Variants in MGAT4C observed in about 807,000 individuals in gnomAD.
The protein encoded by MGAT4C is MGAT4 family member C.
A neutral mutation model predicts 40.1 loss-of-function variants in MGAT4C; 19 were observed. That is an observed-to-expected ratio of 0.47 (90% CI 0.33 to 0.70). MGAT4C has a LOEUF of 0.70. Among genes scored for constraint, MGAT4C ranks in the 30% least tolerant of loss-of-function variants. The pLI, the probability that MGAT4C is intolerant of heterozygous loss-of-function variation, is 0.02. For synonymous variants in MGAT4C, 181 were observed against 187.1 expected (o/e 0.97, Z 0.27); for missense variants, 491 against 563.2 (o/e 0.87, Z 1.30).
intron 3 of MGAT4C, among the ~76,000 whole-genome samples, chr12:86,401,846 A>T (rs1956370010): frequency 6.6e-6 from 1 of 152,136 alleles, no homozygotes; most frequent in African/African-American, 2.4e-5. Context: ...AAAATAGTTA[A>T]CAGTCAAAAA....
chr12:86,822,978 T>C (rs543394761), intron 1 of MGAT4C, among the ~76,000 whole-genome samples: 1 of 150,936 alleles, frequency 6.6e-6, no homozygotes, highest in African/African-American at 2.4e-5. Flanking sequence ...CACAATAGAA[T>C]TTTAGAAAGA....
chr12:86,322,022 A>T (rs1208652536), intron 4 of MGAT4C, among the ~76,000 whole-genome samples: 21 of 152,096 alleles, frequency 1.4e-4, no homozygotes, highest in Non-Finnish European at 2.5e-4. Context: ...GCACATATAC[A>T]CCATGGAATA....
intron 2 of MGAT4C, among the ~76,000 whole-genome samples, chr12:86,443,225 T>C (rs965877249): frequency 1.3e-5 from 2 of 151,616 alleles, no homozygotes; most frequent in African/African-American, 4.9e-5. Flanking sequence ...CACACACATA[T>C]ATACACATGT....
intron 2 of MGAT4C, among the ~76,000 whole-genome samples, chr12:86,695,777 G>A (rs575959641): frequency 3.9e-5 from 6 of 152,104 alleles, no homozygotes; most frequent in Admixed American, 3.9e-4. Flanking sequence ...AGGCTAGGAA[G>A]GGTAGTTAGG....
At chr12:86,046,147 T>C (rs1040451685) in intron 2 of MGAT4C, among the ~76,000 whole-genome samples, 51 of 152,208 alleles carry the variant, frequency 3.4e-4, no homozygotes, top group African/African-American at 1.2e-3. Context: ...CATAAGATGT[T>C]GTGGAAGACT....
chr12:86,602,674 C>A (rs1370161302), intron 2 of MGAT4C, among the ~76,000 whole-genome samples: 2 of 152,116 alleles, frequency 1.3e-5, no homozygotes, highest in Admixed American at 6.6e-5. Context: ...GTTTTCTGAA[C>A]CTCTGATTCG....
chr12:86,518,043 C>A (rs1476570140), intron 2 of MGAT4C, among the ~76,000 whole-genome samples: 1 of 152,148 alleles, frequency 6.6e-6, no homozygotes, highest in East Asian at 1.9e-4. Flanking sequence ...AAGAAGAAAA[C>A]ATGCAAGCTT....
chr12:86,085,839 G>C (rs1054660150), intron 1 of MGAT4C, among the ~76,000 whole-genome samples: 64 of 152,068 alleles, frequency 4.2e-4, no homozygotes, highest in Admixed American at 3.1e-3. Flanking sequence ...ACCACAATGA[G>C]ATACCATTTC....
chr12:86,541,577 T>C (rs181961564), intron 2 of MGAT4C, among the ~76,000 whole-genome samples: 1 of 152,326 alleles, frequency 6.6e-6, no homozygotes, highest in Admixed American at 6.5e-5. Context: ...ATTAATCAAT[T>C]GCTTGACAAG....
rs1344652018 is a variant in MGAT4C, at chr12:85,965,729, G to A, written c.*13560C>T. On this transcript the variant is annotated 3_prime_UTR_variant, in exon 5 of 5. Transcript: ENST00000611864. The stretch of plus-strand genomic sequence containing the variant: ...TGAATTTGAAACAGAACTTTTCCTA[G>A]CTTCTAAATGATTAGAAATTTCAGC... 3 of 151,836 alleles carry A rather than the reference G, an allele frequency of 2.0e-5. No individual in the cohort carries two copies. The highest frequency in any genetic ancestry group is 7.3e-5 in the African/African-American group (3 of 41,332). 9.4% of individuals were successfully genotyped at this position (151,836 alleles called of 1,614,324 possible).
chr12:86,623,528 C>G (rs1962705413), intron 2 of MGAT4C, among the ~76,000 whole-genome samples: 1 of 151,832 alleles, frequency 6.6e-6, no homozygotes, highest in Non-Finnish European at 1.5e-5. Context: ...GACAATGGGC[C>G]AATATTTTAA....
intron 1 of MGAT4C, among the ~76,000 whole-genome samples, chr12:86,165,144 G>A (rs553452805): frequency 6.6e-6 from 1 of 152,174 alleles, no homozygotes; most frequent in Non-Finnish European, 1.5e-5. Context: ...TAGAAAAAAA[G>A]GGGATTTCAA....
At chr12:86,251,217 T>G (rs1172617056) in intron 1 of MGAT4C, among the ~76,000 whole-genome samples, 1 of 151,586 alleles carries the variant, frequency 6.6e-6, no homozygotes. Flanking sequence ...GGTCCCAGAC[T>G]TTTAAAAATA....
intron 3 of MGAT4C, among the ~76,000 whole-genome samples, chr12:86,377,639 C>A (rs1008585968): frequency 6.6e-6 from 1 of 152,086 alleles, no homozygotes; most frequent in Non-Finnish European, 1.5e-5. Context: ...GATTTTTTCA[C>A]CAAAGATCAA....
chr12:86,241,112 T>C (rs1951766281), intron 1 of MGAT4C, among the ~76,000 whole-genome samples: 1 of 152,152 alleles, frequency 6.6e-6, no homozygotes, highest in African/African-American at 2.4e-5. Context: ...GGGAAACAAA[T>C]CTGGGGGTAC....
At chr12:86,128,790 A>G (rs1203873722) in intron 1 of MGAT4C, among the ~76,000 whole-genome samples, 7 of 152,074 alleles carry the variant, frequency 4.6e-5, no homozygotes. Flanking sequence ...ATATTTTTAG[A>G]ATTTTTATAG....
intron 1 of MGAT4C, among the ~76,000 whole-genome samples, chr12:86,165,949 G>A (rs1356190004): frequency 6.6e-6 from 1 of 152,142 alleles, no homozygotes; most frequent in Non-Finnish European, 1.5e-5. Flanking sequence ...CTAAATGCTT[G>A]TAGATTATTG....
At chr12:86,121,147 T>C (rs1020802682) in intron 1 of MGAT4C, among the ~76,000 whole-genome samples, 5 of 152,126 alleles carry the variant, frequency 3.3e-5, no homozygotes, top group Admixed American at 3.3e-4. Flanking sequence ...AGAGTATCAG[T>C]GATTGAAGAT....
At chr12:86,481,961 A>G (rs1957944727) in intron 2 of MGAT4C, among the ~76,000 whole-genome samples, 1 of 151,736 alleles carries the variant, frequency 6.6e-6, no homozygotes, top group African/African-American at 2.4e-5. Flanking sequence ...AAAAACATAT[A>G]TATTATTTAT....
Sources: allele counts gnomAD v4.1 joint callset (sites outside exome capture counted in the v4.1 genomes callset), GRCh38; gene constraint gnomAD v4.1.1; transcripts MANE v1.5; gene names NCBI Gene and HGNC (gene_info 2026-07-23, HGNC 2026-07-21).